Variants in NLGN1 observed in about 807,000 individuals in gnomAD.
The protein encoded by NLGN1 is neuroligin 1, also known as neuroligin-1.
Under a neutral mutation model 65.5 loss-of-function variants are expected in NLGN1, and 12 were observed. The ratio of observed to expected loss-of-function variants is 0.18; its 90% CI spans 0.12 to 0.30. The LOEUF (loss-of-function observed/expected upper bound fraction) is 0.30. NLGN1 is among the 10% of genes least tolerant of loss of function. NLGN1 has a pLI of 1.00. For missense variants in NLGN1, 750 were observed against 1,007.1 expected (o/e 0.74, Z 3.46); for synonymous variants, 350 against 359.5 (o/e 0.97, Z 0.30).
At chr3:173,619,692 G>C (rs530843370) in intron 3 of NLGN1, among the ~76,000 whole-genome samples, 45 of 152,290 alleles carry the variant, frequency 3.0e-4, no homozygotes, top group African/African-American at 9.9e-4. Context: ...GAAAGTGGCA[G>C]AACCAGGATT....
intron 4 of NLGN1, among the ~76,000 whole-genome samples, chr3:174,137,925 A>C (rs1721514049): frequency 6.6e-6 from 1 of 152,196 alleles, no homozygotes; most frequent in Admixed American, 6.5e-5. Context: ...TTTATCTGGT[A>C]ACATTTGGCA....
intron 4 of NLGN1, among the ~76,000 whole-genome samples, chr3:173,830,570 C>T (rs1722331566): frequency 1.3e-5 from 2 of 151,924 alleles, no homozygotes; most frequent in Admixed American, 6.6e-5. Flanking sequence ...AAATATGACA[C>T]CTTATAGTCA....
At chr3:173,868,983 C>G (rs1033387734) in intron 4 of NLGN1, among the ~76,000 whole-genome samples, 2 of 152,064 alleles carry the variant, frequency 1.3e-5, no homozygotes, top group Non-Finnish European at 2.9e-5. Flanking sequence ...CAAAAGTTGT[C>G]AGTAAGTTTT....
intron 2 of NLGN1, among the ~76,000 whole-genome samples, chr3:173,560,205 A>G (rs1049540785): frequency 6.6e-6 from 1 of 151,918 alleles, no homozygotes; most frequent in African/African-American, 2.4e-5. Flanking sequence ...TGCTGGGATT[A>G]CTACAAGCGT....
chr3:174,152,269 A>G (rs1293667970), intron 4 of NLGN1, among the ~76,000 whole-genome samples: 3 of 152,210 alleles, frequency 2.0e-5, no homozygotes, highest in Non-Finnish European at 4.4e-5. Context: ...ATCCTTCTAT[A>G]TATATGTCTA....
intron 4 of NLGN1, among the ~76,000 whole-genome samples, chr3:173,834,739 TAGG>T (rs1271291335): frequency 6.6e-6 from 1 of 152,152 alleles, no homozygotes; most frequent in East Asian, 1.9e-4. Flanking sequence ...GTCACAGAGT[TAGG>T]AGGAGATTAT....
intron 4 of NLGN1, among the ~76,000 whole-genome samples, chr3:173,874,426 A>G (rs1338757103): frequency 6.6e-6 from 1 of 152,238 alleles, no homozygotes; most frequent in Non-Finnish European, 1.5e-5. Context: ...TATTTTTTAC[A>G]TGTAAGGCTT....
At position 173,878,073 on chromosome 3, in the gene NLGN1, G is replaced by A. The variant is rs148597813; in HGVS notation, c.646+70241G>A. Among the ~76,000 whole-genome samples the A allele has an allele frequency of 9.8e-3, 1,485 of 151,664 alleles. 19 individuals are homozygous for A. The highest frequency in any genetic ancestry group is 0.034 in the African/African-American group (1,411 of 41,294). The stretch of plus-strand genomic sequence containing the variant: ...TTTAATCTTTTTGAGACAGAGTCTC[G>A]CTCTGTCACCCAGGCTGGAGTGCAA... On this transcript the variant is annotated intron_variant, in intron 4 of 6. Transcript: ENST00000457714.
At chr3:173,932,482 G>C (rs1744272727) in intron 4 of NLGN1, among the ~76,000 whole-genome samples, 1 of 149,278 alleles carries the variant, frequency 6.7e-6, no homozygotes, top group Non-Finnish European at 1.5e-5. Context: ...CTGTCTATGA[G>C]AGAGAAAGGA....
At chr3:173,469,485 T>C (rs930590859) in intron 2 of NLGN1, among the ~76,000 whole-genome samples, 4 of 152,100 alleles carry the variant, frequency 2.6e-5, no homozygotes, top group African/African-American at 4.8e-5. Context: ...ATCTTTGTCA[T>C]TTCAAAATGT....
intron 4 of NLGN1, among the ~76,000 whole-genome samples, chr3:174,143,780 C>G (rs575673119): frequency 6.6e-6 from 1 of 152,124 alleles, no homozygotes; most frequent in Non-Finnish European, 1.5e-5. Context: ...TTAACAAATT[C>G]TTCATAGCAG....
At chr3:174,181,542 C>G (rs936107662) in intron 4 of NLGN1, among the ~76,000 whole-genome samples, 1 of 152,142 alleles carries the variant, frequency 6.6e-6, no homozygotes, top group African/African-American at 2.4e-5. Flanking sequence ...ACAATAATAT[C>G]AAACACCTGG....
At chr3:174,259,369 C>G (rs1746407336) in intron 4 of NLGN1, among the ~76,000 whole-genome samples, 1 of 151,984 alleles carries the variant, frequency 6.6e-6, no homozygotes, top group Non-Finnish European at 1.5e-5. Context: ...CACATCACCT[C>G]TCTCTCTTGC....
chr3:174,049,139 A>G (rs1464138013), intron 4 of NLGN1, among the ~76,000 whole-genome samples: 1 of 152,104 alleles, frequency 6.6e-6, no homozygotes. Flanking sequence ...AATGTCAGAA[A>G]AAGCTTGGAC....
intron 3 of NLGN1, among the ~76,000 whole-genome samples, chr3:173,701,390 T>C (rs1767141188): frequency 6.6e-6 from 1 of 151,908 alleles, no homozygotes; most frequent in Admixed American, 6.6e-5. Flanking sequence ...GGAAATGTGA[T>C]GAGGGAAGCA....
chr3:174,173,518 T>G (rs1490732792), intron 4 of NLGN1, among the ~76,000 whole-genome samples: 1 of 152,076 alleles, frequency 6.6e-6, no homozygotes, highest in Non-Finnish European at 1.5e-5. Context: ...TGAGGATTTT[T>G]TTATTATGAA....
intron 4 of NLGN1, among the ~76,000 whole-genome samples, chr3:174,211,988 G>A (rs920738881): frequency 6.6e-6 from 1 of 152,156 alleles, no homozygotes; most frequent in Non-Finnish European, 1.5e-5. Flanking sequence ...TCAGCCCTTG[G>A]GTGGTCGATG....
intron 3 of NLGN1, among the ~76,000 whole-genome samples, chr3:173,618,995 C>T (rs1383222693): frequency 1.3e-5 from 2 of 152,108 alleles, no homozygotes; most frequent in Non-Finnish European, 2.9e-5. Flanking sequence ...TGGCCTCACC[C>T]TTGGTTAAAC....
At chr3:173,605,288 A>G (rs1025245404) in intron 3 of NLGN1, among the ~76,000 whole-genome samples, 197 bp downstream of exon 2, 1 of 151,696 alleles carries the variant, frequency 6.6e-6, no homozygotes, top group Admixed American at 6.6e-5. Context: ...TCCTGTGCTT[A>G]CTCATTTTCT....
Sources: allele counts gnomAD v4.1 joint callset (sites outside exome capture counted in the v4.1 genomes callset), GRCh38; gene constraint gnomAD v4.1.1; transcripts MANE v1.5; gene names NCBI Gene and HGNC (gene_info 2026-07-23, HGNC 2026-07-21).